The following BTBD10 variants were observed in gnomAD, a reference collection of about 807,000 sequenced individuals.
The protein encoded by BTBD10 is BTB/POZ domain-containing protein 10.
In BTBD10, 21 loss-of-function variants were observed where a neutral mutation model predicts 53.2. That is an observed-to-expected ratio of 0.39 (90% CI 0.28 to 0.57). BTBD10 has a LOEUF of 0.57. BTBD10 is among the 20% of genes least tolerant of loss of function. The probability of loss-of-function intolerance (pLI) is 0.53; values close to 1 mark genes in which losing one functional copy is unlikely to be tolerated. For synonymous variants in BTBD10, 149 were observed against 192.7 expected (o/e 0.77, Z 1.88); for missense variants, 360 against 594.7 (o/e 0.61, Z 4.10).
chr11:13,448,696 A>T (rs1020913878), intron 1 of BTBD10, among the ~76,000 whole-genome samples: 21 of 152,072 alleles, frequency 1.4e-4, no homozygotes, highest in African/African-American at 4.3e-4. Flanking sequence ...TGACCTCCTT[A>T]CCACCATTCA....
At chr11:13,421,348 T>C (rs1388740258) in intron 3 of BTBD10, among the ~76,000 whole-genome samples, 2 of 152,218 alleles carry the variant, frequency 1.3e-5, no homozygotes, top group Non-Finnish European at 2.9e-5. Flanking sequence ...ATATATTTCA[T>C]AAGACAAAAA....
intron 2 of BTBD10, among the ~76,000 whole-genome samples, chr11:13,423,461 G>A (rs1188096616): frequency 6.6e-6 from 1 of 152,176 alleles, no homozygotes; most frequent in Non-Finnish European, 1.5e-5. Flanking sequence ...AATTACTCAT[G>A]AAATGTTAGT....
chr11:13,420,317 A>ATT (rs150881151), intron 3 of BTBD10, among the ~76,000 whole-genome samples: 6 of 150,718 alleles, frequency 4.0e-5, no homozygotes, highest in South Asian at 2.1e-4. Context: ...AGTAAGAAGT[A>ATT]TTTTTTTTTA....
chr11:13,450,273 C>G (rs1950833172), intron 1 of BTBD10, among the ~76,000 whole-genome samples: 1 of 152,122 alleles, frequency 6.6e-6, no homozygotes, highest in Non-Finnish European at 1.5e-5. Flanking sequence ...ATGACATTCT[C>G]TATGTGGAAA....
chr11:13,435,397 A>AT (rs574475550), intron 2 of BTBD10, among the ~76,000 whole-genome samples: 66 of 152,312 alleles, frequency 4.3e-4, no homozygotes, highest in Admixed American at 1.1e-3. Context: ...AAAAAATATA[A>AT]TTTTTTTAAA....
chr11:13,410,165 A>G (rs1949908977), intron 6 of BTBD10, among the ~76,000 whole-genome samples: 1 of 152,210 alleles, frequency 6.6e-6, no homozygotes, highest in African/African-American at 2.4e-5. Context: ...TTTAAAAAAA[A>G]TTAAAGTTGA....
At chr11:13,461,564 G>A (rs1281892422) in intron 1 of BTBD10, among the ~76,000 whole-genome samples, 3 of 152,184 alleles carry the variant, frequency 2.0e-5, no homozygotes, top group African/African-American at 7.2e-5. Context: ...GCCAAAAGCA[G>A]ACCACAGTGG....
At chr11:13,395,362 T>C (rs1172337444) in intron 8 of BTBD10, among the ~76,000 whole-genome samples, 1 of 152,242 alleles carries the variant, frequency 6.6e-6, no homozygotes, top group Non-Finnish European at 1.5e-5. Context: ...TGTCTGTTCA[T>C]ATCCTTTGCC....
chr11:13,417,392 T>G lies in BTBD10; in HGVS notation c.585-132A>C, dbSNP rs1005152571. ...TCAAGAATTTTTATCATTAATTTAT[T>G]CTGGCAAACATCATAAAAGAAAGAA... is the stretch of plus-strand genomic sequence containing the variant. On this transcript the variant is annotated intron_variant, in intron 4 of 8. Transcript: ENST00000278174. 10 of 598,688 alleles carry G rather than the reference T, an allele frequency of 1.7e-5. No individual in the cohort carries two copies. The Middle Eastern group carries it at 1.5e-3, about 92-fold the overall frequency. 37.1% of individuals were successfully genotyped at this position (598,688 alleles called of 1,614,324 possible).
intron 7 of BTBD10, among the ~76,000 whole-genome samples, chr11:13,405,051 C>T (rs1365854488): frequency 1.3e-5 from 2 of 151,824 alleles, no homozygotes; most frequent in African/African-American, 4.8e-5. Flanking sequence ...TAATATTGGG[C>T]TCATCAAGAA....
chr11:13,450,879 C>T (rs1354534136), intron 1 of BTBD10, among the ~76,000 whole-genome samples: 1 of 152,068 alleles, frequency 6.6e-6, no homozygotes, highest in African/African-American at 2.4e-5. Context: ...TGAAAGTGTC[C>T]AAAAGCAGAC....
rs1218696273 is a variant in BTBD10, at chr11:13,406,555, A to ATGAG, written c.809-703_809-700dup. 3.4e-4 allele frequency among the ~76,000 whole-genome samples: 50 copies of ATGAG among 144,988 alleles called. 1 individual carries two copies. Among genetic ancestry groups the ATGAG allele is most frequent in the Middle Eastern group, 3.5e-3 (1 of 284 alleles). ...AGAAGCAACCATGGCAACCATACGC[A>ATGAG]TGAGTGAGAGAGAGAGAGAGAGAGA... On this transcript the variant is annotated intron_variant, in intron 6 of 8. Transcript: ENST00000278174.
rs1343473799 is a variant in BTBD10, at chr11:13,430,566, T to G, written c.102-8728A>C. On this transcript the variant is annotated intron_variant, in intron 2 of 8. Coordinates refer to ENST00000278174, the MANE Select transcript of BTBD10 (RefSeq NM_032320.7). ...TGAAGACATTATCCATAAAAAAAAT[T>G]TGTAAACAAACATTCTTAGCAGCTT... Among the ~76,000 whole-genome samples the G allele has an allele frequency of 2.0e-5, 3 of 152,308 alleles. No homozygotes were observed. The East Asian group carries it at 5.8e-4, about 29-fold the overall frequency.
At chr11:13,419,819 ATGTT>A in intron 3 of BTBD10, 74 bp from the exon 4 acceptor site, 1 of 1,278,196 alleles carries the variant, frequency 7.8e-7, no homozygotes, top group Non-Finnish European at 1.1e-6. Context: ...ATCTTTTTAA[ATGTT>A]TGATTTATAA....
At chr11:13,443,154 T>C (rs1162714013) in intron 2 of BTBD10, among the ~76,000 whole-genome samples, 5 of 151,758 alleles carry the variant, frequency 3.3e-5, no homozygotes, top group Admixed American at 6.6e-5. Flanking sequence ...CTCCAGAGGC[T>C]GAGGAGGGAG....
At chr11:13,413,128 C>T (rs545903778) in intron 6 of BTBD10, among the ~76,000 whole-genome samples, 1 of 152,106 alleles carries the variant, frequency 6.6e-6, no homozygotes, top group African/African-American at 2.4e-5. Context: ...TTTGTGTTTT[C>T]CATAGTGCTC....
intron 1 of BTBD10, among the ~76,000 whole-genome samples, chr11:13,460,889 C>G (rs1421267328): frequency 6.6e-6 from 1 of 152,184 alleles, no homozygotes; most frequent in Non-Finnish European, 1.5e-5. Context: ...CAATAAAGAG[C>G]TTCTAAATAA....
chr11:13,419,828 T>G (rs1950206982), intron 3 of BTBD10, 83 bp from the exon 4 acceptor site: 1 of 1,246,472 alleles, frequency 8.0e-7, no homozygotes, highest in Non-Finnish European at 1.1e-6. Context: ...AATGTTTGAT[T>G]TATAAAAGTT....
At chr11:13,454,932 C>A (rs545262168) in intron 1 of BTBD10, among the ~76,000 whole-genome samples, 1 of 151,986 alleles carries the variant, frequency 6.6e-6, no homozygotes, top group African/African-American at 2.4e-5. Flanking sequence ...TATTTAGAGA[C>A]GGAGCTTTGC....
Sources: gnomAD v4.1 joint callset for allele counts (sites outside exome capture counted in the v4.1 genomes callset) on GRCh38, gnomAD v4.1.1 for gene constraint, MANE v1.5 for transcripts, NCBI Gene and HGNC (gene_info 2026-07-23, HGNC 2026-07-21) for gene names.